Variants in UHRF2 observed in about 807,000 individuals in gnomAD.
UHRF2 encodes E3 ubiquitin-protein ligase UHRF2.
UHRF2 carries 23 observed loss-of-function variants against 96.8 expected under a neutral mutation model. The ratio of observed to expected loss-of-function variants is 0.24; its 90% CI spans 0.17 to 0.34. The LOEUF (loss-of-function observed/expected upper bound fraction) is 0.34. Ranked by LOEUF, UHRF2 falls within the 10% of genes least tolerant of loss-of-function variation. The pLI, the probability that UHRF2 is intolerant of heterozygous loss-of-function variation, is 1.00. For missense variants in UHRF2, 685 were observed against 981.5 expected (o/e 0.70, Z 4.04); for synonymous variants, 385 against 332.6 (o/e 1.16, Z -1.72).
chr9:6,467,500 T>G (rs956951625), intron 4 of UHRF2, among the ~76,000 whole-genome samples: 6 of 152,132 alleles, frequency 3.9e-5, no homozygotes, highest in Admixed American at 1.3e-4. Flanking sequence ...TGTTAATGTT[T>G]TGTTTGTTTT....
intron 2 of UHRF2, among the ~76,000 whole-genome samples, chr9:6,426,563 C>T (rs1401000827): frequency 6.6e-6 from 1 of 152,092 alleles, no homozygotes; most frequent in Non-Finnish European, 1.5e-5. Flanking sequence ...GAAATTTTGA[C>T]TGGTGCCTTT....
chr9:6,482,625 C>G (rs1218004769), intron 8 of UHRF2, among the ~76,000 whole-genome samples: 1 of 139,988 alleles, frequency 7.1e-6, no homozygotes, highest in Non-Finnish European at 1.5e-5. Flanking sequence ...GAGATGGAGT[C>G]TTGCTCTGTT....
At chr9:6,449,959 C>T (rs1821752411) in intron 3 of UHRF2, among the ~76,000 whole-genome samples, 1 of 152,164 alleles carries the variant, frequency 6.6e-6, no homozygotes, top group South Asian at 2.1e-4. Flanking sequence ...TGTGCCTTTT[C>T]CCTTTGCTGA....
chr9:6,438,270 G>A (rs1820966935), intron 3 of UHRF2, among the ~76,000 whole-genome samples: 1 of 152,174 alleles, frequency 6.6e-6, no homozygotes, highest in Non-Finnish European at 1.5e-5. Flanking sequence ...CAGTAAACTA[G>A]CATTGGCCAT....
chr9:6,447,136 G>A (rs1381413581), intron 3 of UHRF2, among the ~76,000 whole-genome samples: 9 of 151,988 alleles, frequency 5.9e-5, no homozygotes, highest in Admixed American at 4.6e-4. Flanking sequence ...TGATCTGCCC[G>A]CTTCTGCCTC....
At chr9:6,496,413 G>C (rs1241528693) in intron 10 of UHRF2, 1 of 152,196 alleles carries the variant, frequency 6.6e-6, no homozygotes, top group South Asian at 2.1e-4. Context: ...TCTCCCAAGA[G>C]TAAGGTCTTC....
intron 4 of UHRF2, among the ~76,000 whole-genome samples, chr9:6,464,183 A>C (rs1373947183): frequency 6.6e-6 from 1 of 151,922 alleles, no homozygotes; most frequent in African/African-American, 2.4e-5. Context: ...CAATTCTCTG[A>C]CTCCTAGTGG....
intron 4 of UHRF2, among the ~76,000 whole-genome samples, chr9:6,472,930 A>C (rs1217340604): frequency 1.3e-5 from 2 of 152,238 alleles, no homozygotes; most frequent in Admixed American, 1.3e-4. Context: ...ATTTGAATAT[A>C]AAATACTAGC....
chr9:6,427,895 A>T (rs1820348668), intron 2 of UHRF2, among the ~76,000 whole-genome samples: 1 of 152,218 alleles, frequency 6.6e-6, no homozygotes, highest in South Asian at 2.1e-4. Context: ...ACATAAATTG[A>T]ATCACACTGG....
At chr9:6,494,854 C>T (rs989218227) in intron 10 of UHRF2, 2 of 152,066 alleles carry the variant, frequency 1.3e-5, no homozygotes, top group African/African-American at 2.4e-5. Context: ...GACTTTCATG[C>T]GTATCAATTT....
chr9:6,452,771 G>C (rs1004971397), intron 3 of UHRF2, among the ~76,000 whole-genome samples: 1 of 152,150 alleles, frequency 6.6e-6, no homozygotes, highest in African/African-American at 2.4e-5. Flanking sequence ...TTCCATTTTG[G>C]ATGCTTTGCA....
chr9:6,460,545 T>C (rs1240087936), intron 3 of UHRF2, 28 bp from the exon 4 acceptor site: 1 of 1,554,184 alleles, frequency 6.4e-7, no homozygotes, highest in Admixed American at 1.9e-5. Context: ...TTGGTAATCA[T>C]AAGCCATATG....
intron 2 of UHRF2, among the ~76,000 whole-genome samples, chr9:6,433,053 C>A (rs1297723892): frequency 6.6e-6 from 1 of 152,136 alleles, no homozygotes; most frequent in Non-Finnish European, 1.5e-5. Flanking sequence ...GTTGGCCAGG[C>A]TGGTCTTGAC....
At chr9:6,471,699 C>A (rs372472488) in intron 4 of UHRF2, among the ~76,000 whole-genome samples, 1 of 152,154 alleles carries the variant, frequency 6.6e-6, no homozygotes, top group South Asian at 2.1e-4. Flanking sequence ...AGCTAAGCTA[C>A]TCCCAGATTC....
chr9:6,445,966 T>C (rs1174129144), intron 3 of UHRF2, among the ~76,000 whole-genome samples: 12 of 112,644 alleles, frequency 1.1e-4, no homozygotes, highest in Admixed American at 3.1e-4. Flanking sequence ...TAAATACTCT[T>C]CCCCCCCCGC....
intron 4 of UHRF2, 47 bp downstream of exon 4, chr9:6,460,838 G>C (rs1822495740): frequency 2.0e-6 from 3 of 1,528,244 alleles, no homozygotes; most frequent in South Asian, 2.5e-5. Context: ...AATTGATCAA[G>C]GAATGTATTT....
chr9:6,486,116 A>G (rs1824276316), intron 8 of UHRF2, among the ~76,000 whole-genome samples: 1 of 152,198 alleles, frequency 6.6e-6, no homozygotes, highest in East Asian at 1.9e-4. Flanking sequence ...TGGGTTTGAT[A>G]CTGTGTGACC....
chr9:6,479,321 C>G (rs879000622), intron 6 of UHRF2, among the ~76,000 whole-genome samples: 1 of 152,118 alleles, frequency 6.6e-6, no homozygotes, highest in South Asian at 2.1e-4. Flanking sequence ...GTTCTCATTC[C>G]TTACTCAACT....
At chr9:6,457,336 G>T (rs1587822092) in intron 3 of UHRF2, among the ~76,000 whole-genome samples, 1 of 152,256 alleles carries the variant, frequency 6.6e-6, no homozygotes, top group East Asian at 1.9e-4. Context: ...AAGAATGCTT[G>T]TGATTTTTGC....
Sources: allele counts gnomAD v4.1 joint callset (sites outside exome capture counted in the v4.1 genomes callset), GRCh38; gene constraint gnomAD v4.1.1; transcripts MANE v1.5; gene names NCBI Gene and HGNC (gene_info 2026-07-23, HGNC 2026-07-21).